CACNA2D3: variants seen among roughly 807,000 people sequenced by gnomAD.
CACNA2D3 encodes calcium voltage-gated channel auxiliary subunit alpha2delta 3, also known as voltage-dependent calcium channel subunit alpha-2/delta-3.
CACNA2D3 carries 60 observed loss-of-function variants against 160.6 expected under a neutral mutation model. The ratio of observed to expected loss-of-function variants is 0.37; its 90% CI spans 0.30 to 0.46. The LOEUF is 0.46. Ranked by LOEUF, CACNA2D3 falls within the 20% of genes least tolerant of loss-of-function variation. CACNA2D3 has a pLI of 1.00. For synonymous variants in CACNA2D3, 558 were observed against 492.9 expected (o/e 1.13, Z -1.75); for missense variants, 1,205 against 1,365.0 (o/e 0.88, Z 1.85).
In CACNA2D3 at chr3:54,815,697, G is replaced by A. The variant is rs182797417; in HGVS notation, c.1381-1156G>A. 6.6e-5 allele frequency among the ~76,000 whole-genome samples: 10 copies of A among 152,286 alleles called. No individual in the cohort carries two copies. In the East Asian group the frequency reaches 9.6e-4, roughly 15 times the overall value. On this transcript the variant is annotated intron_variant, in intron 13 of 37. Coordinates refer to ENST00000474759, the MANE Select transcript of CACNA2D3 (RefSeq NM_018398.3). Reference sequence around the variant, plus strand: ...TCCTATGATTGTTTATCTATGGGACGTTGTATAATTACTTAACCTTTAAGT... The same window carrying A: ...TCCTATGATTGTTTATCTATGGGACATTGTATAATTACTTAACCTTTAAGT...
rs1282203747 is a variant in CACNA2D3 at position 54,712,654 on chromosome 3, T to G, written c.1168-39945T>G. Among the ~76,000 whole-genome samples the G allele has an allele frequency of 3.9e-5, 6 of 152,248 alleles. No individual in the cohort carries two copies. The East Asian group carries it at 1.2e-3, about 29-fold the overall frequency. Reference sequence around the variant, plus strand: ...TCTTTATTTTGTAAATTGCCCAGTCTTGGGTATGTCTTTATCAGAAGCATG... The same window carrying G: ...TCTTTATTTTGTAAATTGCCCAGTCGTGGGTATGTCTTTATCAGAAGCATG... On this transcript the variant is annotated intron_variant, in intron 11 of 37. Transcript: ENST00000474759.
chr3:54,302,172 C>G (rs1164582263), intron 2 of CACNA2D3, among the ~76,000 whole-genome samples: 1 of 152,208 alleles, frequency 6.6e-6, no homozygotes, highest in Admixed American at 6.5e-5. Context: ...GCGACACATT[C>G]TCCTCTCACT....
At chr3:54,196,170 C>T (rs775087366) in intron 2 of CACNA2D3, among the ~76,000 whole-genome samples, 7 of 152,162 alleles carry the variant, frequency 4.6e-5, no homozygotes, top group East Asian at 1.9e-4. Flanking sequence ...TACTGAAATA[C>T]GTATTACTTT....
intron 10 of CACNA2D3, among the ~76,000 whole-genome samples, chr3:54,633,182 C>CT (rs1699284233): frequency 6.6e-6 from 1 of 152,148 alleles, no homozygotes; most frequent in African/African-American, 2.4e-5. Context: ...GAGATTAATA[C>CT]TTTTGGAGCC....
intron 11 of CACNA2D3, among the ~76,000 whole-genome samples, chr3:54,735,408 G>A (rs149797443): frequency 3.5e-4 from 53 of 152,254 alleles, no homozygotes; most frequent in African/African-American, 9.4e-4. Flanking sequence ...GGGGTGAAGC[G>A]TGAAATGCAA....
intron 4 of CACNA2D3, among the ~76,000 whole-genome samples, chr3:54,404,744 C>A (rs9880729): frequency 0.34 from 51,039 of 151,794 alleles, 8,873 homozygotes; most frequent in East Asian, 0.4. Context: ...AAAGACTCCA[C>A]CAAAAAGCTG....
At chr3:54,845,647 C>CA (rs1698916147) in intron 16 of CACNA2D3, among the ~76,000 whole-genome samples, 1 of 152,174 alleles carries the variant, frequency 6.6e-6, no homozygotes, top group South Asian at 2.1e-4. Context: ...TAAATAAGTG[C>CA]AGTGTTAAAT....
intron 3 of CACNA2D3, among the ~76,000 whole-genome samples, chr3:54,340,667 T>C (rs574121977): frequency 6.6e-6 from 1 of 152,352 alleles, no homozygotes; most frequent in African/African-American, 2.4e-5. Flanking sequence ...ACTGGTGAAG[T>C]GGAGCTTGTT....
intron 2 of CACNA2D3, among the ~76,000 whole-genome samples, chr3:54,195,064 A>G (rs947458296): frequency 2.6e-5 from 4 of 152,170 alleles, no homozygotes; most frequent in Admixed American, 2.6e-4. Flanking sequence ...TAACCTGTCA[A>G]TTACAGCCAG....
At chr3:55,005,061 G>T (rs9871268) in intron 32 of CACNA2D3, among the ~76,000 whole-genome samples, 7 of 151,706 alleles carry the variant, frequency 4.6e-5, no homozygotes, top group African/African-American at 1.7e-4. Flanking sequence ...GGATCACTTG[G>T]GGTCAGGAGT....
intron 35 of CACNA2D3, among the ~76,000 whole-genome samples, chr3:55,021,875 G>T (rs1703464687): frequency 1.3e-5 from 2 of 151,848 alleles, no homozygotes; most frequent in African/African-American, 4.8e-5. Flanking sequence ...AAATGGCCTT[G>T]TGGTCTGTAT....
intron 4 of CACNA2D3, among the ~76,000 whole-genome samples, chr3:54,490,767 C>T (rs940792610): frequency 2.6e-5 from 4 of 152,100 alleles, no homozygotes; most frequent in East Asian, 1.9e-4. Flanking sequence ...TCAAAGAACC[C>T]GCCAGTTTCC....
At chr3:54,918,325 T>A (rs1700715861) in intron 27 of CACNA2D3, 1 of 409,390 alleles carries the variant, frequency 2.4e-6, no homozygotes, top group Admixed American at 4.3e-5. Context: ...ACACATCTTT[T>A]TTTTTTCTTT....
intron 11 of CACNA2D3, among the ~76,000 whole-genome samples, chr3:54,674,159 T>C (rs758393220): frequency 1.3e-5 from 2 of 152,198 alleles, no homozygotes; most frequent in African/African-American, 2.4e-5. Context: ...TAGAATAACT[T>C]TGGGTAATTG....
rs564816974 is a variant in CACNA2D3, at chr3:54,525,515, A to C, written c.544+21861A>C. 5.3e-5 allele frequency among the ~76,000 whole-genome samples: 8 copies of C among 152,276 alleles called. No individual in the cohort carries two copies. In the East Asian group the frequency reaches 1.3e-3, roughly 26 times the overall value. On this transcript the variant is annotated intron_variant, in intron 5 of 37. Transcript: ENST00000474759. ...TTTCCTGTAAGCCAGGTCTGCTAGC[A>C]CTAAATTCTCTCAGTTTTTCTTTAT...
At chr3:54,151,575 C>T (rs1164841897) in intron 2 of CACNA2D3, among the ~76,000 whole-genome samples, 1 of 152,110 alleles carries the variant, frequency 6.6e-6, no homozygotes. Flanking sequence ...CTTGCTTTAC[C>T]AGTGCTGGGG....
At chr3:54,667,903 C>T (rs991500071) in intron 11 of CACNA2D3, among the ~76,000 whole-genome samples, 4 of 150,944 alleles carry the variant, frequency 2.6e-5, no homozygotes, top group Admixed American at 2.6e-4. Context: ...GCCGTAATTA[C>T]GTGACTGCAC....
At chr3:54,879,959 CCCACTACT>C (rs1699754068) in intron 20 of CACNA2D3, among the ~76,000 whole-genome samples, 1 of 152,154 alleles carries the variant, frequency 6.6e-6, no homozygotes, top group African/African-American at 2.4e-5. Context: ...TCTAAAGTTT[CCCACTACT>C]ATTAACTTAG....
intron 27 of CACNA2D3, among the ~76,000 whole-genome samples, chr3:54,955,015 A>G (rs569592306): frequency 2.0e-5 from 3 of 152,166 alleles, no homozygotes; most frequent in Non-Finnish European, 4.4e-5. Flanking sequence ...TGTAGAGAAA[A>G]CTTCCCCTTC....
Sources: gnomAD v4.1 joint callset for allele counts (sites outside exome capture counted in the v4.1 genomes callset) on GRCh38, gnomAD v4.1.1 for gene constraint, MANE v1.5 for transcripts, NCBI Gene and HGNC (gene_info 2026-07-23, HGNC 2026-07-21) for gene names.